SEZ6L2: variants seen among roughly 807,000 people sequenced by gnomAD.
SEZ6L2 encodes seizure related 6 homolog like 2.
SEZ6L2 carries 44 observed loss-of-function variants against 97.0 expected under a neutral mutation model. The ratio of observed to expected loss-of-function variants is 0.45; its 90% CI spans 0.36 to 0.58. The LOEUF (loss-of-function observed/expected upper bound fraction) is 0.58, where lower values mean the gene tolerates loss of function less well. Ranked by LOEUF, SEZ6L2 falls within the 20% of genes least tolerant of loss-of-function variation. The pLI, the probability that SEZ6L2 is intolerant of heterozygous loss-of-function variation, is 0.00. For missense variants in SEZ6L2, 1,086 were observed against 1,233.3 expected, an observed-to-expected ratio of 0.88 and a Z score of 1.79; for synonymous variants, 543 against 546.1, an observed-to-expected ratio of 0.99 and a Z score of 0.08.
chr16:29,880,549 G>A (rs1305043543), intron 8 of SEZ6L2, among the ~76,000 whole-genome samples: 1 of 151,998 alleles, frequency 6.6e-6, no homozygotes, highest in East Asian at 1.9e-4. Flanking sequence ...TCAAACTCCC[G>A]ACCTCAGGTG....
chr16:29,881,929 CTT>C (rs71143761), intron 8 of SEZ6L2, among the ~76,000 whole-genome samples: 5 of 110,114 alleles, frequency 4.5e-5, no homozygotes, highest in South Asian at 2.9e-4. Flanking sequence ...CATACCCGGC[CTT>C]TTTTTTTTTT....
chr16:29,876,741 G>T lies in SEZ6L2; in HGVS notation c.2104+15C>A. On this transcript the variant is annotated intron_variant, in intron 12 of 17. Coordinates refer to ENST00000617533, the MANE Select transcript of SEZ6L2 (RefSeq NM_001243332.2). This position sits in a 1 kb window ranked among gnomAD's most constrained non-coding sequence, Gnocchi z 6.5. ...AAGGGGCGGGGCCGAGGGGACGCGG[G>T]CGGGGCCGGCTCACTCTTTTGGCAG... The T allele has an allele frequency of 6.6e-7, 1 of 1,522,902 alleles. No individual in the cohort carries two copies. 94.3% of individuals were successfully genotyped at this position (1,522,902 alleles called of 1,614,324 possible).
rs867673777 is a variant in SEZ6L2, at chr16:29,871,275, C to G, written c.*424G>C. On this transcript the variant is annotated 3_prime_UTR_variant, in exon 18 of 18. Coordinates refer to ENST00000617533, the MANE Select transcript of SEZ6L2 (RefSeq NM_001243332.2). ...GGCAAGGCCTTGTCCCAGCTCTCCCCTTTGTCCTTCTTCTGACCCTCCTGG... is the reference window on the plus strand; with the variant it reads ...GGCAAGGCCTTGTCCCAGCTCTCCCGTTTGTCCTTCTTCTGACCCTCCTGG... 6 of 247,794 alleles carry G rather than the reference C, an allele frequency of 2.4e-5. No individual in the cohort carries two copies. The highest frequency in any genetic ancestry group is 1.1e-4 in the African/African-American group (5 of 46,402). 15.3% of individuals were successfully genotyped at this position (247,794 alleles called of 1,614,324 possible).
chr16:29,879,288 C>T (rs950831018), intron 9 of SEZ6L2, among the ~76,000 whole-genome samples: 1 of 151,782 alleles, frequency 6.6e-6, no homozygotes, highest in Non-Finnish European at 1.5e-5. Flanking sequence ...TGCAGTGCTG[C>T]GATCTCGGCT....
At chr16:29,893,565 T>C (rs957033062) in intron 5 of SEZ6L2, among the ~76,000 whole-genome samples, 5 of 150,490 alleles carry the variant, frequency 3.3e-5, no homozygotes, top group African/African-American at 1.2e-4. Context: ...GAGAATCATC[T>C]GAAGCTAGGA....
In SEZ6L2 at chr16:29,873,832, G is replaced by T. The variant is rs2067842149; in HGVS notation, c.2105-103C>A. Reference sequence around the variant, plus strand: ...CTACAAAAAATTGAAAAATTAGCCAGGAGTGGTGGCGCACTCCTGTGGTTC... The same window carrying T: ...CTACAAAAAATTGAAAAATTAGCCATGAGTGGTGGCGCACTCCTGTGGTTC... On this transcript the variant is annotated intron_variant, in intron 12 of 17. Transcript: ENST00000617533. The surrounding 1 kb of genome is among the most constrained non-coding windows in gnomAD (Gnocchi z 4.3). 1 of 1,069,986 alleles carries T rather than the reference G, an allele frequency of 9.3e-7. No homozygotes were observed. The highest frequency in any genetic ancestry group is 1.3e-6 in the Non-Finnish European group (1 of 762,250). 66.3% of individuals were successfully genotyped at this position (1,069,986 alleles called of 1,614,324 possible). A position where few individuals can be genotyped will look rare whatever the true frequency, so the allele number is the denominator to read the frequency against.
intron 6 of SEZ6L2, 119 bp downstream of exon 6, chr16:29,888,421 G>C: frequency 9.3e-7 from 1 of 1,076,740 alleles, no homozygotes; most frequent in South Asian, 1.6e-5. Context: ...ACTCCTCAGG[G>C]TAAACACCCC....
At position 29,873,130 on chromosome 16, in the gene SEZ6L2, C is replaced by A; in HGVS notation, c.2488+110G>T. The A allele has an allele frequency of 2.4e-6, 3 of 1,252,174 alleles. No individual in the cohort carries two copies. The highest frequency in any genetic ancestry group is 3.3e-6 in the Non-Finnish European group (3 of 903,772). 77.6% of individuals were successfully genotyped at this position (1,252,174 alleles called of 1,614,324 possible). On this transcript the variant is annotated intron_variant, in intron 14 of 17. Transcript: ENST00000617533. The surrounding 1 kb of genome is among the most constrained non-coding windows in gnomAD (Gnocchi z 4.3). ...AGGACACGAGGCCACAGGAGGAGAA[C>A]CGGGAGCTCTGTGGGGTCGCCCATT... is the stretch of plus-strand genomic sequence containing the variant.
chr16:29,874,563 T>G lies in SEZ6L2; in HGVS notation c.2105-834A>C, dbSNP rs1413193288. Reference sequence around the variant, plus strand: ...GTGTGTGTGCTTGTTTTTTTTTTTTTTTTTTTTTTTTTTTTTTTTTTTTTT... The same window carrying G: ...GTGTGTGTGCTTGTTTTTTTTTTTTGTTTTTTTTTTTTTTTTTTTTTTTTT... On this transcript the variant is annotated intron_variant, in intron 12 of 17. Transcript: ENST00000617533. 0.012 allele frequency among the ~76,000 whole-genome samples: 1,038 copies of G among 88,646 alleles called. 148 individuals are homozygous for G. The East Asian group carries it at 0.2, about 17-fold the overall frequency. The allele number at this position is 88,646 out of a possible 152,430, so 58.2% of individuals were successfully genotyped here. A position where few individuals can be genotyped will look rare whatever the true frequency, so the allele number is the denominator to read the frequency against.
chr16:29,882,145 G>C (rs2068044088), intron 8 of SEZ6L2, among the ~76,000 whole-genome samples: 1 of 150,106 alleles, frequency 6.7e-6, no homozygotes, highest in East Asian at 2.0e-4. Flanking sequence ...TAATTTCTGT[G>C]TTTTTAGTAG....
At chr16:29,884,547 G>A (rs1013780319) in intron 8 of SEZ6L2, among the ~76,000 whole-genome samples, 8 of 150,762 alleles carry the variant, frequency 5.3e-5, no homozygotes, top group Non-Finnish European at 7.4e-5. Flanking sequence ...AGCTGAGATC[G>A]CGCCACTGCA....
intron 8 of SEZ6L2, among the ~76,000 whole-genome samples, chr16:29,881,658 G>A (rs527241735): frequency 2.4e-4 from 26 of 110,208 alleles, no homozygotes; most frequent in African/African-American, 7.3e-4. Context: ...ATGGAGTTTC[G>A]CTCTTGTTGC....
chr16:29,885,068 C>T (rs1596976698), intron 8 of SEZ6L2, among the ~76,000 whole-genome samples: 1 of 151,726 alleles, frequency 6.6e-6, no homozygotes, highest in South Asian at 2.1e-4. Flanking sequence ...ATTAGTCGGG[C>T]GCGGTGGCGG....
Position 29,899,403 on chromosome 16 carries a change from GAC to G in SEZ6L2, c.-386_-385del, listed in dbSNP as rs2068486146. ...AAGCTAGGGGACTGGGGAGGAGAAA[GAC>G]AGCTTCTGGGGGTTTAGGGTGGGGT... On this transcript the variant is annotated 5_prime_UTR_variant, in exon 1 of 18. Coordinates refer to ENST00000617533, the MANE Select transcript of SEZ6L2 (RefSeq NM_001243332.2). 1.2e-4 allele frequency: 28 copies of G among 240,244 alleles called. No homozygotes were observed. The South Asian group carries it at 1.2e-3, about 10-fold the overall frequency. 14.9% of individuals were successfully genotyped at this position (240,244 alleles called of 1,614,324 possible).
chr16:29,897,182 A>G (rs2068420809), intron 2 of SEZ6L2, 61 bp from the exon 3 acceptor site: 17 of 1,381,216 alleles, frequency 1.2e-5, no homozygotes, highest in Non-Finnish European at 1.6e-5. Context: ...TTGGGTGGGG[A>G]GCAGGGCTGA....
chr16:29,872,261 C>T lies in SEZ6L2; in HGVS notation c.2668G>A (p.Gly890Ser), dbSNP rs753681139. ...YTKLQGKSLF[G>S]FSGSHSYSPI... ...CTGTAGGAGTGGGAGCCCGAGAAGC[C>T]GAAAAGGGACTTTCCCTGAAGCCTG... Residue 890 changes from glycine to serine, a missense_variant, in exon 17 of 18, where the codon GGC becomes AGC. Gly to Ser is a moderately conservative substitution (Grantham distance 56). Transcript: ENST00000617533. 5.6e-6 allele frequency: 9 copies of T among 1,611,998 alleles called. No individual in the cohort carries two copies. Among genetic ancestry groups the T allele is most frequent in the African/African-American group, 2.7e-5 (2 of 74,814 alleles).
In SEZ6L2 at chr16:29,876,117, G is replaced by A. The variant is rs138939167; in HGVS notation, c.2104+639C>T. Reference sequence around the variant, plus strand: ...CCTACTTCGCCGATGGGGAAACCAAGCCTCAGAAATGCTAAGTGCCTCGCC... The same window carrying A: ...CCTACTTCGCCGATGGGGAAACCAAACCTCAGAAATGCTAAGTGCCTCGCC... On this transcript the variant is annotated intron_variant, in intron 12 of 17. Coordinates refer to ENST00000617533, the MANE Select transcript of SEZ6L2 (RefSeq NM_001243332.2). This position sits in a 1 kb window ranked among gnomAD's most constrained non-coding sequence, Gnocchi z 6.5. Among the ~76,000 whole-genome samples, 407 of 152,200 alleles carry A rather than the reference G, an allele frequency of 2.7e-3. 3 individuals carry two copies. The highest frequency in any genetic ancestry group is 9.1e-3 in the African/African-American group (377 of 41,522).
chr16:29,889,388 G>A (rs922363618), intron 5 of SEZ6L2, among the ~76,000 whole-genome samples: 2 of 151,946 alleles, frequency 1.3e-5, no homozygotes, highest in African/African-American at 2.4e-5. Context: ...GCAGTGAGCC[G>A]AGATCGTCCC....
intron 5 of SEZ6L2, among the ~76,000 whole-genome samples, chr16:29,893,671 A>G (rs1161529653): frequency 6.6e-6 from 1 of 151,892 alleles, no homozygotes; most frequent in East Asian, 1.9e-4. Flanking sequence ...AAAAAATTCA[A>G]ATATCTGCCT....
Sources: allele counts gnomAD v4.1 joint callset (sites outside exome capture counted in the v4.1 genomes callset), GRCh38; gene constraint gnomAD v4.1.1; non-coding constraint Gnocchi (gnomAD v3.1); transcripts MANE v1.5; gene names NCBI Gene and HGNC (gene_info 2026-07-23, HGNC 2026-07-21).